Variants in NFE2L2 observed in about 807,000 individuals in gnomAD.
The protein encoded by NFE2L2 is NFE2 like bZIP transcription factor 2, also known as nuclear factor erythroid 2-related factor 2.
In NFE2L2, 20 loss-of-function variants were observed where a neutral mutation model predicts 49.6. The observed-to-expected ratio is 0.40, with a 90% CI of 0.28 to 0.59. The LOEUF is 0.59. Ranked by LOEUF, NFE2L2 falls within the 20% of genes least tolerant of loss-of-function variation. NFE2L2 has a pLI of 0.40. For synonymous variants in NFE2L2, 244 were observed against 256.5 expected, an observed-to-expected ratio of 0.95 and a Z score of 0.47; for missense variants, 578 against 714.2, an observed-to-expected ratio of 0.81 and a Z score of 2.17.
chr2:177,261,386 C>T (rs925502734), intron 1 of NFE2L2, among the ~76,000 whole-genome samples: 5 of 152,060 alleles, frequency 3.3e-5, no homozygotes, highest in Non-Finnish European at 7.4e-5. Flanking sequence ...TTTTATATTC[C>T]GGCCTCTCCT....
rs932537090 is a variant in NFE2L2 at position 177,230,609 on chromosome 2, A to G, written c.*176T>C. The G allele has an allele frequency of 1.5e-6, 1 of 652,374 alleles. No homozygotes were observed. Among genetic ancestry groups the G allele is most frequent in the South Asian group, 3.3e-5 (1 of 30,700 alleles). The allele number at this position is 652,374 out of a possible 1,614,324, so 40.4% of individuals were successfully genotyped here. ...GTTTACAGTTAAAGTGAAACTACTG[A>G]TTCAACATACTGACACTCCAATGCT... On this transcript the variant is annotated 3_prime_UTR_variant, in exon 5 of 5. Transcript: ENST00000397062.
At position 177,231,987 on chromosome 2, in the gene NFE2L2, T is replaced by C; in HGVS notation, c.616A>G (p.Lys206Glu). 6.2e-7 allele frequency: 1 copy of C among 1,608,946 alleles called. No homozygotes were observed. Among genetic ancestry groups the C allele is most frequent in the East Asian group, 2.2e-5 (1 of 44,832 alleles). ...GGAACCATGGTAGTCTCAACCAGCT[T>C]GTCATTTTCAATATTAAGACACTGC... is the stretch of plus-strand genomic sequence containing the variant. ...ELQCLNIEND[K>E]LVETTMVPSP... The change falls in exon 5 of 5, where the codon AAG becomes GAG. Residue 206 changes from lysine (K) to glutamate (E), a missense_variant. Lys to Glu is a moderately conservative substitution (Grantham distance 56, BLOSUM62 1). This residue lies in a region of NFE2L2 where 368 missense variants were observed against 384.6 expected (regional missense o/e 0.96). Transcript: ENST00000397062.
chr2:177,264,246 A>G (rs1314158725), intron 1 of NFE2L2: 3 of 351,826 alleles, frequency 8.5e-6, no homozygotes, highest in Admixed American at 5.0e-5. Context: ...ACGCGGCTGG[A>G]TTCTCCCCCA....
intron 1 of NFE2L2, chr2:177,264,243 T>C: frequency 2.8e-6 from 1 of 359,468 alleles, no homozygotes; most frequent in Non-Finnish European, 5.0e-6. Context: ...GGGACGCGGC[T>C]GGATTCTCCC....
At chr2:177,263,861 C>T in intron 1 of NFE2L2, 1 of 985,538 alleles carries the variant, frequency 1.0e-6, no homozygotes, top group African/African-American at 1.7e-5. Context: ...GCACTTAAGG[C>T]GCTCCTCCCT....
intron 1 of NFE2L2, among the ~76,000 whole-genome samples, chr2:177,240,619 G>C (rs1689910182): frequency 6.6e-6 from 1 of 152,156 alleles, no homozygotes; most frequent in African/African-American, 2.4e-5. Flanking sequence ...AAATATTCAT[G>C]TTTAAAAAAT....
intron 1 of NFE2L2, among the ~76,000 whole-genome samples, chr2:177,248,631 T>C (rs1047359951): frequency 6.6e-6 from 1 of 152,164 alleles, no homozygotes; most frequent in Non-Finnish European, 1.5e-5. Flanking sequence ...CTGGTCTCGA[T>C]CTCCTCACCT....
At position 177,231,699 on chromosome 2, in the gene NFE2L2, G is replaced by A. The variant is rs770847907; in HGVS notation, c.904C>T (p.Pro302Ser). The change falls in exon 5 of 5, where the codon CCT (proline) becomes TCT (serine). Residue 302 changes from proline to serine, a missense_variant. Coordinates refer to ENST00000397062, the MANE Select transcript of NFE2L2 (RefSeq NM_006164.5). ...GAGAGTGAATGGCTTAAAGTAGCAG[G>A]TGAGGGCATGCTGTTGCTGATACTG... ...EPSISNSMPS[P>S]ATLSHSLSEL... 1 of 1,614,192 alleles carries A rather than the reference G, an allele frequency of 6.2e-7. No individual in the cohort carries two copies. Among genetic ancestry groups the A allele is most frequent in the Non-Finnish European group, 8.5e-7 (1 of 1,180,028 alleles).
intron 1 of NFE2L2, among the ~76,000 whole-genome samples, chr2:177,245,002 CAAAAAAAAA>C (rs56326022): frequency 2.0e-5 from 1 of 49,050 alleles, no homozygotes; most frequent in Admixed American, 2.6e-4. Context: ...GACTCTGTCT[CAAAAAAAAA>C]AAAAAAAAAA....
intron 1 of NFE2L2, among the ~76,000 whole-genome samples, chr2:177,250,982 A>G (rs943136754): frequency 1.3e-5 from 2 of 152,260 alleles, no homozygotes; most frequent in African/African-American, 4.8e-5. Context: ...TATTAGTACT[A>G]TTAATAAATT....
rs1030499994 is a variant in NFE2L2 at position 177,263,737 on chromosome 2, C to G, written c.45+795G>C. Reference sequence around the variant, plus strand: ...GTCCACTGCCCTCGCCCGCACTTTCCCGCGGCGTTACGAGGGGCCAACTCC... The same window carrying G: ...GTCCACTGCCCTCGCCCGCACTTTCGCGCGGCGTTACGAGGGGCCAACTCC... On this transcript the variant is annotated intron_variant, in intron 1 of 4. Transcript: ENST00000397062. 3.0e-5 allele frequency: 30 copies of G among 985,382 alleles called. No homozygotes were observed. The African/African-American group carries it at 4.9e-4, about 16-fold the overall frequency. 61.0% of individuals were successfully genotyped at this position (985,382 alleles called of 1,614,324 possible).
At chr2:177,251,939 G>A (rs907419611) in intron 1 of NFE2L2, among the ~76,000 whole-genome samples, 1 of 149,490 alleles carries the variant, frequency 6.7e-6, no homozygotes, top group South Asian at 2.1e-4. Context: ...CCGGGAGGCG[G>A]AGCTTGCAGT....
At chr2:177,232,993 T>C in intron 3 of NFE2L2, 1 of 512,008 alleles carries the variant, frequency 2.0e-6, no homozygotes, top group East Asian at 3.3e-5. Flanking sequence ...ATGGTTATGC[T>C]GTCCATGTTT....
At chr2:177,237,281 C>T (rs780441327) in intron 1 of NFE2L2, among the ~76,000 whole-genome samples, 1 of 152,226 alleles carries the variant, frequency 6.6e-6, no homozygotes, top group Admixed American at 6.5e-5. Flanking sequence ...AGCGGCCAGT[C>T]TGCAGGTCAG....
chr2:177,263,808 GC>G (rs1690834724), intron 1 of NFE2L2: 1 of 985,524 alleles, frequency 1.0e-6, no homozygotes, highest in Non-Finnish European at 1.2e-6. Flanking sequence ...AGTGCGCGGG[GC>G]CCGGCTCAGC....
At position 177,250,161 on chromosome 2, in the gene NFE2L2, TTGA is replaced by T. The variant is rs1368467768; in HGVS notation, c.45+14368_45+14370del. Among the ~76,000 whole-genome samples the T allele has an allele frequency of 2.6e-5, 4 of 152,376 alleles. No individual in the cohort carries two copies. The East Asian group carries it at 7.7e-4, about 29-fold the overall frequency. ...GCTCATGATGGCTAAATGGATCATT[TTGA>T]TGTTATTCAACAATGTTATGGTGCA... On this transcript the variant is annotated intron_variant, in intron 1 of 4. Transcript: ENST00000397062.
At chr2:177,247,754 C>T (rs1345389810) in intron 1 of NFE2L2, among the ~76,000 whole-genome samples, 1 of 151,616 alleles carries the variant, frequency 6.6e-6, no homozygotes, top group Admixed American at 6.6e-5. Context: ...AACAGCATTT[C>T]TTTAACCACT....
At chr2:177,248,487 G>A (rs1574274163) in intron 1 of NFE2L2, among the ~76,000 whole-genome samples, 2 of 151,922 alleles carry the variant, frequency 1.3e-5, no homozygotes, top group African/African-American at 2.4e-5. Context: ...TCAGCTCACC[G>A]CAACCGCCGC....
In NFE2L2 at chr2:177,246,601, TTTTTTTC is replaced by T. The variant is rs769279728; in HGVS notation, c.46-12337_46-12331del. 1.5e-3 allele frequency among the ~76,000 whole-genome samples: 220 copies of T among 150,674 alleles called. 1 individual carries two copies. The highest frequency in any genetic ancestry group is 4.3e-3 in the African/African-American group (176 of 41,008). The stretch of plus-strand genomic sequence containing the variant: ...AGAGTTGTAAGTTGTCCCTTTTTCT[TTTTTTTC>T]TTTTTTTCTAAGATAGGGTCTTGTT... On this transcript the variant is annotated intron_variant, in intron 1 of 4. Transcript: ENST00000397062.
Sources: gnomAD v4.1 joint callset for allele counts (sites outside exome capture counted in the v4.1 genomes callset) on GRCh38, gnomAD v4.1.1 for gene constraint, gnomAD v4.1.1 regional missense constraint, MANE v1.5 for transcripts, NCBI Gene and HGNC (gene_info 2026-07-23, HGNC 2026-07-21) for gene names.